Variants in GLMN observed in about 807,000 individuals in gnomAD.
The protein encoded by GLMN is glomulin, FKBP associated protein.
In GLMN, 75 loss-of-function variants were observed where a neutral mutation model predicts 87.8. That is an observed-to-expected ratio of 0.85 (90% CI 0.71 to 1.04). GLMN has a LOEUF of 1.04. Among genes scored for constraint, GLMN ranks in the 50% least tolerant of loss-of-function variants. The pLI, the probability that GLMN is intolerant of heterozygous loss-of-function variation, is 0.00. For missense variants in GLMN, 588 were observed against 658.8 expected (o/e 0.89, Z 1.18); for synonymous variants, 206 against 221.6 (o/e 0.93, Z 0.63).
In GLMN at chr1:92,297,463, A is replaced by G. The variant is rs369470666; in HGVS notation, c.106T>C (p.Cys36Arg). The stretch of plus-strand genomic sequence containing the variant: ...TGGTCTGTGTGCCCTTCTTCTATGC[A>G]TCTTTGCCCAGCTAACTGAAATAGG... The part of the protein sequence containing the change: ...FGLFQLAGQR[C>R]IEEGHTDQLL... Residue 36 changes from cysteine (C) to arginine (R), a missense_variant, in exon 3 of 19, where the codon TGC (cysteine) becomes CGC (arginine). By Grantham distance (180) the Cys-to-Arg change is radical. Transcript: ENST00000370360. 4 of 1,612,250 alleles carry G rather than the reference A, an allele frequency of 2.5e-6. No individual in the cohort carries two copies. Among genetic ancestry groups the G allele is most frequent in the Non-Finnish European group, 2.5e-6 (3 of 1,179,000 alleles).
the GLMN span, among the ~76,000 whole-genome samples, chr1:92,343,640 T>C: frequency 6.6e-6 from 1 of 152,200 alleles, no homozygotes; most frequent in Non-Finnish European, 1.5e-5. Flanking sequence ...AAAGTATTAA[T>C]TGAATGCCTA....
At chr1:92,314,915 C>T in the GLMN span, among the ~76,000 whole-genome samples, 3 of 149,288 alleles carry the variant, frequency 2.0e-5, no homozygotes, top group East Asian at 2.0e-4. Flanking sequence ...CATGGTGGCT[C>T]ACGCCTGTAA....
chr1:92,291,287 T>C, intron 4 of GLMN, 131 bp downstream of exon 4: 1 of 808,772 alleles, frequency 1.2e-6, no homozygotes, highest in South Asian at 1.6e-5. Context: ...ACTGGGTCTT[T>C]TCTCCAACGA....
At chr1:92,287,515 AT>A (rs1028674457) in intron 6 of GLMN, among the ~76,000 whole-genome samples, 1 of 150,886 alleles carries the variant, frequency 6.6e-6, no homozygotes, top group Admixed American at 6.6e-5. Context: ...TAACTTTTTT[AT>A]TTTTTGTAGA....
chr1:92,302,636 CTG>C (rs1650943168), upstream of GLMN, among the ~76,000 whole-genome samples: 4 of 117,260 alleles, frequency 3.4e-5, no homozygotes, highest in South Asian at 8.8e-4. Context: ...GAGCCTCACT[CTG>C]TCGCCCAGGC....
chr1:92,247,192 A>G (rs757602772), intron 17 of GLMN, 48 bp from the exon 18 acceptor site: 2 of 888,158 alleles, frequency 2.3e-6, no homozygotes, highest in Admixed American at 3.4e-5. Flanking sequence ...TCAGATTTCA[A>G]TAACAAAGGT....
the GLMN span, among the ~76,000 whole-genome samples, chr1:92,326,194 T>C: frequency 2.0e-5 from 3 of 152,152 alleles, no homozygotes; most frequent in African/African-American, 4.8e-5. Flanking sequence ...GTACTTGATA[T>C]AGTTAGTTTT....
the GLMN span, among the ~76,000 whole-genome samples, chr1:92,370,673 A>G: frequency 2.0e-5 from 3 of 151,954 alleles, no homozygotes; most frequent in Non-Finnish European, 4.4e-5. Flanking sequence ...ATATTAAGAA[A>G]GGGTCTATTC....
intron 9 of GLMN, among the ~76,000 whole-genome samples, chr1:92,268,982 G>T (rs1027069556): frequency 6.8e-6 from 1 of 147,080 alleles, no homozygotes; most frequent in Non-Finnish European, 1.5e-5. Context: ...GCAGTGGCAT[G>T]ATCTCTGCTC....
chr1:92,246,444 T>C lies in GLMN; in HGVS notation c.*86A>G. On this transcript the variant is annotated 3_prime_UTR_variant, in exon 19 of 19. Coordinates refer to ENST00000370360, the MANE Select transcript of GLMN (RefSeq NM_053274.3). ...ATTTATTTTTCAAGCAGTAAATTTT[T>C]ACAGAAAAATTTTTTATAAAGGTAT... 1.5e-6 allele frequency: 1 copy of C among 688,342 alleles called. No individual in the cohort carries two copies. The highest frequency in any genetic ancestry group is 1.7e-5 in the South Asian group (1 of 59,946). The allele number at this position is 688,342 out of a possible 1,614,324, so 42.6% of individuals were successfully genotyped here.
the GLMN span, among the ~76,000 whole-genome samples, chr1:92,324,768 T>C: frequency 6.6e-6 from 1 of 152,190 alleles, no homozygotes; most frequent in African/African-American, 2.4e-5. Context: ...TGCCATGGAA[T>C]AGACTTGGTA....
At chr1:92,253,608 T>C (rs1653821333) in intron 16 of GLMN, among the ~76,000 whole-genome samples, 1 of 152,162 alleles carries the variant, frequency 6.6e-6, no homozygotes, top group Admixed American at 6.5e-5. Context: ...CAGCCTCCAA[T>C]GGTGATACCC....
At chr1:92,344,880 C>A in the GLMN span, among the ~76,000 whole-genome samples, 1 of 152,006 alleles carries the variant, frequency 6.6e-6, no homozygotes, top group Non-Finnish European at 1.5e-5. Context: ...TCTATAAATT[C>A]CCTGTTCATA....
the GLMN span, among the ~76,000 whole-genome samples, chr1:92,306,124 C>A: frequency 6.6e-6 from 1 of 152,198 alleles, no homozygotes; most frequent in Admixed American, 6.5e-5. Context: ...TAAGCCAGCA[C>A]AAAAGGACAA....
intron 7 of GLMN, among the ~76,000 whole-genome samples, chr1:92,281,797 A>C (rs1343889461): frequency 1.4e-5 from 2 of 142,852 alleles, no homozygotes; most frequent in Non-Finnish European, 3.1e-5. Context: ...AATGGAAAGC[A>C]AAAAAAAAAA....
chr1:92,349,280 T>A, the GLMN span, among the ~76,000 whole-genome samples: 3 of 152,254 alleles, frequency 2.0e-5, no homozygotes, highest in Admixed American at 6.5e-5. Context: ...GATAATATGT[T>A]CAGTAGAACT....
intron 16 of GLMN, among the ~76,000 whole-genome samples, chr1:92,255,245 C>T (rs1292466437): frequency 6.6e-6 from 1 of 152,142 alleles, no homozygotes. Flanking sequence ...TACAGAAACA[C>T]CCAGATTCAT....
At chr1:92,253,104 T>C (rs999447912) in intron 16 of GLMN, among the ~76,000 whole-genome samples, 2 of 152,200 alleles carry the variant, frequency 1.3e-5, no homozygotes, top group Non-Finnish European at 2.9e-5. Context: ...AAATATTTCA[T>C]GGATATGTTT....
chr1:92,250,155 A>G (rs1398970201), intron 16 of GLMN, among the ~76,000 whole-genome samples: 1 of 145,296 alleles, frequency 6.9e-6, no homozygotes, highest in Non-Finnish European at 1.5e-5. Context: ...TAGCTTTGAC[A>G]AAAGGAAACC....
Sources: gnomAD v4.1 joint callset for allele counts (sites outside exome capture counted in the v4.1 genomes callset) on GRCh38, gnomAD v4.1.1 for gene constraint, MANE v1.5 for transcripts, NCBI Gene and HGNC (gene_info 2026-07-23, HGNC 2026-07-21) for gene names.